Variants in PCDHGB5 observed in about 807,000 individuals in gnomAD.
PCDHGB5 encodes the protein protocadherin gamma subfamily B, 5, also known as protocadherin gamma-B5.
In PCDHGB5, 48 loss-of-function variants were observed where a neutral mutation model predicts 62.9. The ratio of observed to expected loss-of-function variants is 0.76; its 90% CI spans 0.61 to 0.97. The LOEUF is 0.97. PCDHGB5 is among the 50% of genes least tolerant of loss of function. PCDHGB5 has a pLI of 0.00. For missense variants in PCDHGB5, 1,118 were observed against 1,198.6 expected, an observed-to-expected ratio of 0.93 and a Z score of 0.99; for synonymous variants, 474 against 511.2, an observed-to-expected ratio of 0.93 and a Z score of 0.98.
chr5:141,466,278 T>G (rs1459665755), intron 1 of PCDHGB5, among the ~76,000 whole-genome samples: 1 of 152,128 alleles, frequency 6.6e-6, no homozygotes, highest in Non-Finnish European at 1.5e-5. Context: ...TCAAGCAATC[T>G]TCCCACCTCA....
At position 141,487,681 on chromosome 5, in the gene PCDHGB5, T is replaced by C. The variant is rs754032560; in HGVS notation, c.2398-7126T>C. The stretch of plus-strand genomic sequence containing the variant: ...CTGATCCAGGCATATGGCTAGGCCA[T>C]GTCCTAGAGAGTACTGGCCTCTCAG... On this transcript the variant is annotated intron_variant, in intron 1 of 3. Coordinates refer to ENST00000617380, the MANE Select transcript of PCDHGB5 (RefSeq NM_018925.3). The surrounding 1 kb of genome is among the most constrained non-coding windows in gnomAD (Gnocchi z 5.0). 1.1e-5 allele frequency: 18 copies of C among 1,608,852 alleles called. No individual in the cohort carries two copies. The highest frequency in any genetic ancestry group is 4.5e-5 in the East Asian group (2 of 44,816).
chr5:141,426,431 A>G (rs916399837), intron 1 of PCDHGB5: 1 of 297,328 alleles, frequency 3.4e-6, no homozygotes, highest in Non-Finnish European at 6.7e-6. Context: ...GTGGTGGGGA[A>G]CCTTGCGGAG....
rs1307889557 is a variant in PCDHGB5, at chr5:141,486,267, C to G, written c.2398-8540C>G. On this transcript the variant is annotated intron_variant, in intron 1 of 3. Transcript: ENST00000617380. The surrounding 1 kb of genome is among the most constrained non-coding windows in gnomAD (Gnocchi z 5.0). ...GGAACCCTCCCCGAGAGTGCAGAAC[C>G]TGGCACTGTGGTGGCACTTATCAGT... 1 of 1,614,128 alleles carries G rather than the reference C, an allele frequency of 6.2e-7. No homozygotes were observed. Among genetic ancestry groups the G allele is most frequent in the South Asian group, 1.1e-5 (1 of 91,072 alleles).
In PCDHGB5 at chr5:141,399,608, C is replaced by T. The variant is rs767025311; in HGVS notation, c.1481C>T (p.Pro494Leu). The T allele has an allele frequency of 1.9e-6, 3 of 1,613,962 alleles. No individual in the cohort carries two copies. Among genetic ancestry groups the T allele is most frequent in the Non-Finnish European group, 2.5e-6 (3 of 1,179,876 alleles). Residue 494 changes from proline (P) to leucine (L), a missense_variant, in exon 1 of 4, where the codon CCT (proline) becomes CTT (leucine). Transcript: ENST00000617380. ...SYSIMASDLE[P>L]LALASYVSMS... ...TCTATCATGGCCAGCGACCTAGAGCCTCTGGCACTGGCCTCTTACGTGTCC... is the reference window on the plus strand; with the variant it reads ...TCTATCATGGCCAGCGACCTAGAGCTTCTGGCACTGGCCTCTTACGTGTCC...
intron 1 of PCDHGB5, chr5:141,428,862 T>TC (rs1345604550): frequency 2.7e-5 from 2 of 74,856 alleles, no homozygotes; most frequent in African/African-American, 2.0e-4. Flanking sequence ...ACGGGAGACT[T>TC]TTTTTTTTTT....
intron 1 of PCDHGB5, chr5:141,410,801 A>G (rs2095424401): frequency 3.4e-6 from 2 of 587,942 alleles, no homozygotes; most frequent in Admixed American, 4.2e-5. Context: ...AAGTTGCTCT[A>G]TCTTTTTGTA....
intron 1 of PCDHGB5, chr5:141,423,389 A>G (rs568843632): frequency 2.5e-6 from 4 of 1,614,160 alleles, no homozygotes; most frequent in Admixed American, 1.7e-5. Flanking sequence ...TGGCGCTGGC[A>G]TAAGTCACGC....
At chr5:141,427,280 A>G (rs1351534612) in intron 1 of PCDHGB5, 3 of 456,834 alleles carry the variant, frequency 6.6e-6, no homozygotes, top group Non-Finnish European at 8.8e-6. Context: ...GTAAAATTAT[A>G]CTAGAAATCC....
chr5:141,403,685 C>A, intron 1 of PCDHGB5: 1 of 1,613,822 alleles, frequency 6.2e-7, no homozygotes, highest in Non-Finnish European at 8.5e-7. Flanking sequence ...TTTTGCTCAA[C>A]GGATTTACCG....
At position 141,398,904 on chromosome 5, in the gene PCDHGB5, C is replaced by T; in HGVS notation, c.777C>T (p.Thr259=). 6.2e-7 allele frequency: 1 copy of T among 1,613,930 alleles called. No individual in the cohort carries two copies. Among genetic ancestry groups the T allele is most frequent in the Non-Finnish European group, 8.5e-7 (1 of 1,179,874 alleles). ...VSLRENVPPG[T]TVLQVSATDQ... ...TTCGGGAAAACGTGCCACCAGGCACCACTGTGTTGCAAGTGTCAGCCACTG... is the reference window on the plus strand; with the variant it reads ...TTCGGGAAAACGTGCCACCAGGCACTACTGTGTTGCAAGTGTCAGCCACTG... The change falls in exon 1 of 4, where the codon ACC becomes ACT. Residue 259 remains threonine, a synonymous_variant. Transcript: ENST00000617380.
At chr5:141,420,230 A>G (rs758649822) in intron 1 of PCDHGB5, 3 of 1,601,528 alleles carry the variant, frequency 1.9e-6, no homozygotes, top group Admixed American at 1.7e-5. Flanking sequence ...ACTGGCTAGC[A>G]TTTTAACTCC....
At chr5:141,421,512 G>A in intron 1 of PCDHGB5, 1 of 1,614,094 alleles carries the variant, frequency 6.2e-7, no homozygotes, top group Non-Finnish European at 8.5e-7. Flanking sequence ...ACCGGGAGGA[G>A]CTCTGTGAGA....
In PCDHGB5 at chr5:141,490,028, G is replaced by A. The variant is rs752883792; in HGVS notation, c.2398-4779G>A. ...GCACCCATTGGTACTCTGCTGCTCC[G>A]CCTCAATGCCACTGATCCAGACGAG... On this transcript the variant is annotated intron_variant, in intron 1 of 3. Coordinates refer to ENST00000617380, the MANE Select transcript of PCDHGB5 (RefSeq NM_018925.3). The surrounding 1 kb of genome is among the most constrained non-coding windows in gnomAD (Gnocchi z 5.4). 20 of 1,614,070 alleles carry A rather than the reference G, an allele frequency of 1.2e-5. 1 individual carries two copies. Among genetic ancestry groups the A allele is most frequent in the South Asian group, 3.3e-5 (3 of 91,090 alleles).
Position 141,486,695 on chromosome 5 carries a change from A to T in PCDHGB5, c.2398-8112A>T. On this transcript the variant is annotated intron_variant, in intron 1 of 3. Coordinates refer to ENST00000617380, the MANE Select transcript of PCDHGB5 (RefSeq NM_018925.3). The surrounding 1 kb of genome is among the most constrained non-coding windows in gnomAD (Gnocchi z 5.0). ...TCGAGATGTATCAGCTTCCTCTTTC[A>T]TCTCTCTGAACCCCCAGACAGGAGC... The T allele has an allele frequency of 6.2e-7, 1 of 1,613,912 alleles. No homozygotes were observed. The highest frequency in any genetic ancestry group is 8.5e-7 in the Non-Finnish European group (1 of 1,179,980).
intron 1 of PCDHGB5, among the ~76,000 whole-genome samples, chr5:141,471,039 A>G (rs1175460270): frequency 7.2e-6 from 1 of 137,964 alleles, no homozygotes; most frequent in Non-Finnish European, 1.5e-5. Context: ...TAACAAGCCC[A>G]AGCCCTCTTT....
intron 1 of PCDHGB5, chr5:141,441,726 C>A: frequency 2.8e-6 from 1 of 353,524 alleles, no homozygotes; most frequent in Non-Finnish European, 5.6e-6. Flanking sequence ...GGCCCGCGAC[C>A]AGGACTAGCT....
rs770219250 is a variant in PCDHGB5, at chr5:141,477,852, T to C, written c.2398-16955T>C. Reference sequence around the variant, plus strand: ...CGGCCAGGTGGGAGCTCGGTGGAGATGCTGCCTCGAGGTACCTCAGCTGGC... The same window carrying C: ...CGGCCAGGTGGGAGCTCGGTGGAGACGCTGCCTCGAGGTACCTCAGCTGGC... On this transcript the variant is annotated intron_variant, in intron 1 of 3. Transcript: ENST00000617380. This position sits in a 1 kb window ranked among gnomAD's most constrained non-coding sequence, Gnocchi z 4.9. The C allele has an allele frequency of 6.2e-7, 1 of 1,613,654 alleles. No homozygotes were observed. Among genetic ancestry groups the C allele is most frequent in the Admixed American group, 1.7e-5 (1 of 59,980 alleles).
At chr5:141,405,672 G>C (rs755545370) in intron 1 of PCDHGB5, among the ~76,000 whole-genome samples, 3 of 152,024 alleles carry the variant, frequency 2.0e-5, no homozygotes, top group Non-Finnish European at 4.4e-5. Flanking sequence ...GAGACGGGGT[G>C]TCACCATGTT....
Position 141,432,097 on chromosome 5 carries a change from C to G in PCDHGB5, c.2397+31573C>G. ...TCTCGCTGAACGTGGCAGACACCAA[C>G]GACAACCCGCCGGTCTTCCCTCAGG... On this transcript the variant is annotated intron_variant, in intron 1 of 3. Transcript: ENST00000617380. This position sits in a 1 kb window ranked among gnomAD's most constrained non-coding sequence, Gnocchi z 6.0. The G allele has an allele frequency of 6.2e-7, 1 of 1,614,184 alleles. No homozygotes were observed.
Sources: allele counts gnomAD v4.1 joint callset (sites outside exome capture counted in the v4.1 genomes callset), GRCh38; gene constraint gnomAD v4.1.1; non-coding constraint Gnocchi (gnomAD v3.1); transcripts MANE v1.5; gene names NCBI Gene and HGNC (gene_info 2026-07-23, HGNC 2026-07-21).